NOS1AP: variants seen among roughly 807,000 people sequenced by gnomAD.
The protein encoded by NOS1AP is nitric oxide synthase 1 adaptor protein, also known as carboxyl-terminal PDZ ligand of neuronal nitric oxide synthase protein.
A neutral mutation model predicts 56.2 loss-of-function variants in NOS1AP; 21 were observed. That is an observed-to-expected ratio of 0.37 (90% confidence interval 0.26 to 0.54). The LOEUF is 0.54. NOS1AP is among the 20% of genes least tolerant of loss of function. The pLI, the probability that NOS1AP is intolerant of heterozygous loss-of-function variation, is 0.84. For missense variants in NOS1AP, 522 were observed against 657.8 expected (o/e 0.79, Z 2.26); for synonymous variants, 270 against 274.6 (o/e 0.98, Z 0.17).
chr1:162,137,347 C>G (rs1444737835), intron 1 of NOS1AP, among the ~76,000 whole-genome samples: 1 of 152,214 alleles, frequency 6.6e-6, no homozygotes, highest in Non-Finnish European at 1.5e-5. Context: ...TTCTGCAGCA[C>G]TATTGATTTG....
intron 5 of NOS1AP, among the ~76,000 whole-genome samples, chr1:162,333,847 TGA>T (rs1656855005): frequency 6.6e-6 from 1 of 152,234 alleles, no homozygotes; most frequent in Non-Finnish European, 1.5e-5. Flanking sequence ...GAAGGTCTGA[TGA>T]TAAAAAACAT....
At chr1:162,128,862 C>T (rs1339527257) in intron 1 of NOS1AP, among the ~76,000 whole-genome samples, 1 of 152,154 alleles carries the variant, frequency 6.6e-6, no homozygotes, top group African/African-American at 2.4e-5. Context: ...AGTTGCTGTC[C>T]TGTGAGGCCA....
At chr1:162,079,086 A>G (rs1691834067) in intron 1 of NOS1AP, among the ~76,000 whole-genome samples, 1 of 150,196 alleles carries the variant, frequency 6.7e-6, no homozygotes, top group South Asian at 2.1e-4. Context: ...TTGACTCTCC[A>G]CTCCTCCCCA....
At chr1:162,304,914 A>G (rs1336913336) in intron 4 of NOS1AP, among the ~76,000 whole-genome samples, 1 of 152,002 alleles carries the variant, frequency 6.6e-6, no homozygotes, top group African/African-American at 2.4e-5. Flanking sequence ...TCATGGGTAC[A>G]GTTATTTTTC....
intron 2 of NOS1AP, among the ~76,000 whole-genome samples, chr1:162,194,525 G>A (rs561583003): frequency 3.6e-4 from 55 of 152,284 alleles, no homozygotes; most frequent in African/African-American, 1.3e-3. Context: ...TTCCATGTCT[G>A]TGCAAAAGTT....
chr1:162,117,522 A>C (rs1297619084), intron 1 of NOS1AP, among the ~76,000 whole-genome samples: 1 of 152,192 alleles, frequency 6.6e-6, no homozygotes, highest in East Asian at 1.9e-4. Flanking sequence ...ACACATTATG[A>C]GCCCTGGCAG....
rs147638284 is a variant in NOS1AP, at chr1:162,130,154, G to A, written c.106-24251G>A. Among the ~76,000 whole-genome samples the A allele has an allele frequency of 1.2e-3, 183 of 152,300 alleles. 2 individuals carry two copies. Among genetic ancestry groups the A allele is most frequent in the Middle Eastern group, 6.8e-3 (2 of 294 alleles). On this transcript the variant is annotated intron_variant, in intron 1 of 9. Transcript: ENST00000361897. ...CAGACATTGTATATATGTACAGGTG[G>A]AGTTACGGCTATTTCTGATAATGGC...
chr1:162,076,582 T>C (rs1350821866), intron 1 of NOS1AP, among the ~76,000 whole-genome samples: 1 of 152,152 alleles, frequency 6.6e-6, no homozygotes, highest in Admixed American at 6.5e-5. Flanking sequence ...AAAGAAACAC[T>C]AGGCTGGGCG....
intron 1 of NOS1AP, among the ~76,000 whole-genome samples, chr1:162,152,148 G>A (rs898922579): frequency 6.6e-6 from 1 of 152,198 alleles, no homozygotes; most frequent in East Asian, 1.9e-4. Context: ...TAGCAGGATA[G>A]GGATGGGTCC....
intron 4 of NOS1AP, among the ~76,000 whole-genome samples, chr1:162,328,086 C>T (rs995363324): frequency 3.3e-5 from 5 of 152,234 alleles, no homozygotes; most frequent in Admixed American, 2.6e-4. Flanking sequence ...GGATCTTTCT[C>T]ATCCCCAAGC....
At chr1:162,109,249 T>C (rs1177419353) in intron 1 of NOS1AP, among the ~76,000 whole-genome samples, 2 of 152,208 alleles carry the variant, frequency 1.3e-5, no homozygotes, top group Admixed American at 1.3e-4. Flanking sequence ...CCAGTTACAG[T>C]GTGTGAACCT....
intron 3 of NOS1AP, among the ~76,000 whole-genome samples, chr1:162,296,833 G>A (rs983001800): frequency 1.3e-5 from 2 of 152,190 alleles, no homozygotes; most frequent in African/African-American, 4.8e-5. Flanking sequence ...ACTGGCGCCC[G>A]ATGCATCCTC....
At chr1:162,141,909 T>C (rs1649251880) in intron 1 of NOS1AP, among the ~76,000 whole-genome samples, 2 of 151,538 alleles carry the variant, frequency 1.3e-5, no homozygotes, top group Admixed American at 1.3e-4. Flanking sequence ...GCAGGAGGAG[T>C]GGGACTGCCT....
intron 2 of NOS1AP, among the ~76,000 whole-genome samples, chr1:162,284,314 GTTAATT>G (rs1655025159): frequency 6.6e-6 from 1 of 152,150 alleles, no homozygotes; most frequent in South Asian, 2.1e-4. Context: ...ATAATTGCAA[GTTAATT>G]TTAATTTTTC....
chr1:162,074,034 A>C (rs548003109), intron 1 of NOS1AP, among the ~76,000 whole-genome samples: 2 of 152,192 alleles, frequency 1.3e-5, no homozygotes, highest in Non-Finnish European at 2.9e-5. Context: ...GGATAATAAG[A>C]GTATTAATAA....
At position 162,367,402 on chromosome 1, in the gene NOS1AP, C is replaced by T. The variant is rs1260815758; in HGVS notation, c.1456C>T (p.Arg486Cys). Residue 486 changes from arginine (R) to cysteine (C), a missense_variant, in exon 10 of 10, where the codon CGC becomes TGC. By Grantham distance (180) the Arg-to-Cys change is radical. This residue lies in a region of NOS1AP where 160 missense variants were observed against 180.3 expected (regional missense o/e 0.89). Transcript: ENST00000361897. The surrounding 1 kb of genome is among the most constrained non-coding windows in gnomAD (Gnocchi z 6.5). ...RDSWSQEELPRLLNVLQRQEL... is the reference protein window; with the variant it reads ...RDSWSQEELPCLLNVLQRQEL... Reference sequence around the variant, plus strand: ...CTCGTGGTCCCAGGAGGAGCTGCCGCGCCTGCTGAATGTCCTGCAGAGGCA... The same window carrying T: ...CTCGTGGTCCCAGGAGGAGCTGCCGTGCCTGCTGAATGTCCTGCAGAGGCA... The T allele has an allele frequency of 6.3e-7, 1 of 1,598,750 alleles. No homozygotes were observed. Among genetic ancestry groups the T allele is most frequent in the Non-Finnish European group, 8.5e-7 (1 of 1,171,180 alleles).
intron 1 of NOS1AP, among the ~76,000 whole-genome samples, chr1:162,134,505 A>AAT (rs1648900864): frequency 6.7e-6 from 1 of 149,868 alleles, no homozygotes; most frequent in Non-Finnish European, 1.5e-5. Flanking sequence ...AAAAAAAAAA[A>AAT]GTAAAACCGT....
chr1:162,350,119 T>C (rs1557888237), intron 6 of NOS1AP, among the ~76,000 whole-genome samples: 1 of 152,224 alleles, frequency 6.6e-6, no homozygotes, highest in Non-Finnish European at 1.5e-5. Context: ...TTGTTTTTTT[T>C]ACGAGAATCT....
intron 1 of NOS1AP, among the ~76,000 whole-genome samples, chr1:162,134,217 G>T (rs1050954539): frequency 6.6e-6 from 1 of 152,086 alleles, no homozygotes; most frequent in Non-Finnish European, 1.5e-5. Context: ...TGGGCTGGGC[G>T]CAGTGGCTCA....
Sources: allele counts gnomAD v4.1 joint callset (sites outside exome capture counted in the v4.1 genomes callset), GRCh38; gene constraint gnomAD v4.1.1; regional missense constraint gnomAD v4.1.1; non-coding constraint Gnocchi (gnomAD v3.1); transcripts MANE v1.5; gene names NCBI Gene and HGNC (gene_info 2026-07-23, HGNC 2026-07-21).